The following DNAJB2 variants were observed in gnomAD, a reference collection of about 807,000 sequenced individuals.
DNAJB2 encodes DnaJ heat shock protein family (Hsp40) member B2, also known as dnaJ homolog subfamily B member 2.
In DNAJB2, 19 loss-of-function variants were observed where a neutral mutation model predicts 33.3. The observed-to-expected ratio is 0.57, with a 90% CI of 0.40 to 0.84. DNAJB2 has a LOEUF of 0.84. DNAJB2 is among the 40% of genes least tolerant of loss of function. The probability of loss-of-function intolerance (pLI) is 0.00; values close to 1 mark genes in which losing one functional copy is unlikely to be tolerated. For missense variants in DNAJB2, 368 were observed against 430.9 expected, an observed-to-expected ratio of 0.85 and a Z score of 1.29; for synonymous variants, 172 against 164.6, an observed-to-expected ratio of 1.04 and a Z score of -0.34.
At chr2:219,284,251 T>A (rs936069422) in intron 8 of DNAJB2, among the ~76,000 whole-genome samples, 2 of 152,156 alleles carry the variant, frequency 1.3e-5, no homozygotes, top group African/African-American at 4.8e-5. Context: ...AGCTAATTTT[T>A]AAACTATTTT....
At chr2:219,283,001 C>T (rs1283812855) in intron 6 of DNAJB2, 72 bp downstream of exon 6, 2 of 1,565,118 alleles carry the variant, frequency 1.3e-6, no homozygotes, top group Non-Finnish European at 1.7e-6. Flanking sequence ...GTTGCTTTTC[C>T]AAGCCTGTCT....
In DNAJB2 at chr2:219,283,142, C is replaced by T. The variant is rs777721164; in HGVS notation, c.455C>T (p.Ser152Phe). ...SSFPGHSDFS[S>F]SSFSFSPGAG... The stretch of plus-strand genomic sequence containing the variant: ...CTTGTCCCGATGCCAGATTTCTCCT[C>T]CTCATCTTTCTCCTTCAGTCCTGGG... The change falls in exon 7 of 9, where the codon TCC becomes TTC. Residue 152 changes from serine (S) to phenylalanine (F), a missense_variant. Transcript: ENST00000336576. 7 of 1,614,258 alleles carry T rather than the reference C, an allele frequency of 4.3e-6. No homozygotes were observed. The highest frequency in any genetic ancestry group is 1.1e-5 in the South Asian group (1 of 91,088).
intron 3 of DNAJB2, chr2:219,281,396 C>A: frequency 2.9e-6 from 1 of 342,178 alleles, no homozygotes; most frequent in Non-Finnish European, 5.4e-6. Context: ...ATGTAGTAAT[C>A]ATTAGCTAAC....
rs141876068 is a variant in DNAJB2, at chr2:219,281,422, T to C, written c.176-296T>C. The C allele has an allele frequency of 2.0e-3, 861 of 422,196 alleles. 6 individuals are homozygous for C. Among genetic ancestry groups the C allele is most frequent in the African/African-American group, 0.015 (774 of 50,672 alleles). 26.2% of individuals were successfully genotyped at this position (422,196 alleles called of 1,614,324 possible). ...ATTAGCTAACATTTATTGAACACTT[T>C]CTATGTGTCAGGCACTGGTAGGCAG... is the stretch of plus-strand genomic sequence containing the variant. On this transcript the variant is annotated intron_variant, in intron 3 of 8. Coordinates refer to ENST00000336576, the MANE Select transcript of DNAJB2 (RefSeq NM_006736.6).
At position 219,282,930 on chromosome 2, in the gene DNAJB2, G is replaced by T. The variant is rs368547938; in HGVS notation, c.445+1G>T. The T allele has an allele frequency of 6.3e-7, 1 of 1,594,044 alleles. No homozygotes were observed. The highest frequency in any genetic ancestry group is 8.5e-7 in the Non-Finnish European group (1 of 1,172,272). On this transcript the variant is annotated splice_donor_variant, in intron 6 of 8. Transcript: ENST00000336576. LOFTEE classifies it high-confidence loss of function. ...TCTTCCTCCTTCCCTGGGCACTCCG[G>T]TAAGTTCTGCCCCTTCCCACGTTTG...
Position 219,280,489 on chromosome 2 carries a change from G to C in DNAJB2, c.66-89G>C. On this transcript the variant is annotated intron_variant, in intron 2 of 8. Coordinates refer to ENST00000336576, the MANE Select transcript of DNAJB2 (RefSeq NM_006736.6). ...ACCCGGGGGTGAAAGGACAGTGATA[G>C]GCTAATGGGAAAACAGGTCGTTCGG... 3.0e-6 allele frequency: 3 copies of C among 1,005,384 alleles called. No homozygotes were observed. The South Asian group carries it at 4.3e-5, about 14-fold the overall frequency. 62.3% of individuals were successfully genotyped at this position (1,005,384 alleles called of 1,614,324 possible).
intron 3 of DNAJB2, 135 bp from the exon 4 acceptor site, chr2:219,281,583 C>G: frequency 1.7e-6 from 2 of 1,168,694 alleles, no homozygotes; most frequent in Non-Finnish European, 2.5e-6. Context: ...CCCGTGTCCC[C>G]TGGGTCCCCT....
chr2:219,284,044 A>G (rs1168367035), intron 8 of DNAJB2, among the ~76,000 whole-genome samples: 1 of 152,152 alleles, frequency 6.6e-6, no homozygotes, highest in African/African-American at 2.4e-5. Flanking sequence ...ATGGGCTGAC[A>G]TATTTAATCA....
chr2:219,284,879 CCAG>C lies in DNAJB2; in HGVS notation c.870_872del (p.Gln290del), dbSNP rs752887728. 1 of 1,607,832 alleles carries C rather than the reference CCAG, an allele frequency of 6.2e-7. No individual in the cohort carries two copies. The highest frequency in any genetic ancestry group is 8.5e-7 in the Non-Finnish European group (1 of 1,176,208). ...ACCGACGGCAGGGGCGGCCCAAGGC[CCAG>C]CACCAAGATCCAGGCTTGGGGGGGA... On this transcript the variant is annotated inframe_deletion, in exon 9 of 9. Transcript: ENST00000336576.
chr2:219,281,556 G>A (rs1348598616), intron 3 of DNAJB2, 162 bp from the exon 4 acceptor site: 3 of 801,842 alleles, frequency 3.7e-6, no homozygotes, highest in African/African-American at 1.7e-5. Context: ...AGGCTGAGTT[G>A]CTGCCTAAAC....
At chr2:219,280,760 C>G in intron 3 of DNAJB2, 73 bp downstream of exon 3, 1 of 1,135,160 alleles carries the variant, frequency 8.8e-7, no homozygotes, top group Non-Finnish European at 1.3e-6. Flanking sequence ...TTTCTTAAAG[C>G]AATGTCTCTG....
At chr2:219,284,590 CT>C (rs1951936649) in intron 8 of DNAJB2, 41 bp from the exon 9 acceptor site, 1 of 1,543,140 alleles carries the variant, frequency 6.5e-7, no homozygotes, top group African/African-American at 1.4e-5. Flanking sequence ...AGTAATACCC[CT>C]GGCTCAGGTT....
chr2:219,282,335 T>A, intron 5 of DNAJB2: 1 of 508,738 alleles, frequency 2.0e-6, no homozygotes, highest in Non-Finnish European at 3.5e-6. Context: ...AAAGCAAGAC[T>A]CAAAGCATCT....
intron 5 of DNAJB2, 143 bp from the exon 6 acceptor site, chr2:219,282,694 A>G: frequency 6.0e-6 from 4 of 665,440 alleles, no homozygotes; most frequent in Non-Finnish European, 9.4e-6. Flanking sequence ...TTAAAAAGGA[A>G]TTTATAAATA....
rs1031645647 is a variant in DNAJB2 at position 219,279,613 on chromosome 2, A to G, written c.-37+95A>G. 7 of 559,304 alleles carry G rather than the reference A, an allele frequency of 1.3e-5. No individual in the cohort carries two copies. The highest frequency in any genetic ancestry group is 3.2e-5 in the Admixed American group (1 of 30,912). The allele number at this position is 559,304 out of a possible 1,614,324, so 34.6% of individuals were successfully genotyped here. On this transcript the variant is annotated intron_variant, in intron 1 of 8. Coordinates refer to ENST00000336576, the MANE Select transcript of DNAJB2 (RefSeq NM_006736.6). The surrounding 1 kb of genome is among the most constrained non-coding windows in gnomAD (Gnocchi z 4.9). The stretch of plus-strand genomic sequence containing the variant: ...GGCTCCTGGGCCTGGGCGTCGAGAT[A>G]GCTCTTGGCCCCGGCCTGCGGGGGC...
At chr2:219,280,791 C>CG in intron 3 of DNAJB2, 104 bp downstream of exon 3, 1 of 833,584 alleles carries the variant, frequency 1.2e-6, no homozygotes, top group East Asian at 2.7e-5. Flanking sequence ...TCCTCTGTGC[C>CG]TTTTTCCAGC....
At position 219,279,621 on chromosome 2, in the gene DNAJB2, G is replaced by C; in HGVS notation, c.-37+103G>C. On this transcript the variant is annotated intron_variant, in intron 1 of 8. Coordinates refer to ENST00000336576, the MANE Select transcript of DNAJB2 (RefSeq NM_006736.6). The surrounding 1 kb of genome is among the most constrained non-coding windows in gnomAD (Gnocchi z 4.9). The stretch of plus-strand genomic sequence containing the variant: ...GGCCTGGGCGTCGAGATAGCTCTTG[G>C]CCCCGGCCTGCGGGGGCAGATAAGG... 1 of 585,770 alleles carries C rather than the reference G, an allele frequency of 1.7e-6. No homozygotes were observed. The highest frequency in any genetic ancestry group is 3.0e-6 in the Non-Finnish European group (1 of 331,734). The allele number at this position is 585,770 out of a possible 1,614,324, so 36.3% of individuals were successfully genotyped here.
intron 3 of DNAJB2, 64 bp from the exon 4 acceptor site, chr2:219,281,654 G>A (rs1951904854): frequency 4.4e-6 from 7 of 1,606,178 alleles, no homozygotes; most frequent in East Asian, 2.2e-5. Context: ...TCCTTTGAAC[G>A]TCCTAGCCTG....
rs1389758339 is a variant in DNAJB2 at position 219,282,804 on chromosome 2, CCAGATGACTGCTAATCTGTTTACTTGTTG to C, written c.353-24_357del. 6.6e-7 allele frequency: 1 copy of C among 1,523,714 alleles called. No homozygotes were observed. Among genetic ancestry groups the C allele is most frequent in the African/African-American group, 1.4e-5 (1 of 71,834 alleles). 94.4% of individuals were successfully genotyped at this position (1,523,714 alleles called of 1,614,324 possible). A position where few individuals can be genotyped will look rare whatever the true frequency, so the allele number is the denominator to read the frequency against. Reference sequence around the variant, plus strand: ...ACACTTTTGAGGGGAAATGTCATTACCAGATGACTGCTAATCTGTTTACTTGTTGCAGATGACCTGGGCCCCTTCTCAGA... The same window carrying C: ...ACACTTTTGAGGGGAAATGTCATTACCAGATGACCTGGGCCCCTTCTCAGA... On this transcript the variant is annotated splice_region_variant and splice_polypyrimidine_tract_variant and intron_variant, in intron 5 of 8. Coordinates refer to ENST00000336576, the MANE Select transcript of DNAJB2 (RefSeq NM_006736.6).
Sources: allele counts gnomAD v4.1 joint callset (sites outside exome capture counted in the v4.1 genomes callset), GRCh38; gene constraint gnomAD v4.1.1; non-coding constraint Gnocchi (gnomAD v3.1); transcripts MANE v1.5; gene names NCBI Gene and HGNC (gene_info 2026-07-23, HGNC 2026-07-21).